Variants in SLC25A24 observed in about 807,000 individuals in gnomAD.
The protein encoded by SLC25A24 is mitochondrial adenyl nucleotide antiporter SLC25A24.
Under a neutral mutation model 60.7 loss-of-function variants are expected in SLC25A24, and 49 were observed. The ratio of observed to expected loss-of-function variants is 0.81; its 90% confidence interval spans 0.64 to 1.02. The LOEUF is 1.02. SLC25A24 is among the 50% of genes least tolerant of loss of function. The pLI is 0.00. For synonymous variants in SLC25A24, 202 were observed against 200.6 expected (o/e 1.01, Z -0.06); for missense variants, 564 against 586.3 (o/e 0.96, Z 0.39).
rs1194799919 is a variant in SLC25A24 at position 108,164,461 on chromosome 1, A to C, written c.399-3168T>G. Among the ~76,000 whole-genome samples, 3 of 151,926 alleles carry C rather than the reference A, an allele frequency of 2.0e-5. No homozygotes were observed. In the East Asian group the frequency reaches 5.8e-4, roughly 29 times the overall value. ...TTGGTAAGCTATTGATTATTGCCAC[A>C]ATTTCAGATCCTGTTATTGGTCTAT... is the stretch of plus-strand genomic sequence containing the variant. On this transcript the variant is annotated intron_variant, in intron 3 of 9. Transcript: ENST00000565488.
intron 3 of SLC25A24, among the ~76,000 whole-genome samples, chr1:108,169,816 C>T (rs1472016146): frequency 6.6e-6 from 1 of 152,138 alleles, no homozygotes. Context: ...AATTCACCTA[C>T]TTTGTCTGTT....
At chr1:108,142,415 C>T (rs1679467461) in intron 8 of SLC25A24, among the ~76,000 whole-genome samples, 1 of 152,166 alleles carries the variant, frequency 6.6e-6, no homozygotes, top group Admixed American at 6.5e-5. Context: ...GGTATATACA[C>T]ATAACGGAAT....
In SLC25A24 at chr1:108,180,616, A is replaced by ATCCCTCTCTCTCTCTC. The variant is rs532485349; in HGVS notation, c.398+1324_398+1325insGAGAGAGAGAGAGGGA. Among the ~76,000 whole-genome samples the ATCCCTCTCTCTCTCTC allele has an allele frequency of 3.0e-3, 185 of 61,796 alleles. 17 individuals carry two copies. Among genetic ancestry groups the ATCCCTCTCTCTCTCTC allele is most frequent in the African/African-American group, 0.012 (177 of 14,520 alleles). 40.5% of individuals were successfully genotyped at this position (61,796 alleles called of 152,430 possible). On this transcript the variant is annotated intron_variant, in intron 3 of 9. Transcript: ENST00000565488. ...CCTTATAATAGAAAGCAAGAGAAAG[A>ATCCCTCTCTCTCTCTC]TCTCTCTCTCTCTCTCTCTCTCTCT...
At chr1:108,158,719 AAG>A (rs1461963387) in intron 4 of SLC25A24, among the ~76,000 whole-genome samples, 1 of 138,550 alleles carries the variant, frequency 7.2e-6, no homozygotes, top group Non-Finnish European at 1.6e-5. Flanking sequence ...AAAAAAAAAA[AAG>A]GCCGGGCACA....
chr1:108,187,927 G>GATAGATAGATATATATATATAT lies in SLC25A24; in HGVS notation c.184-1974_184-1973insATATATATATATATCTATCTAT. ...TACACGAAATGGATAAGACATTATA[G>GATAGATAGATATATATATATAT]ATATATATATATATATATTCATGCA... On this transcript the variant is annotated intron_variant, in intron 1 of 9. Coordinates refer to ENST00000565488, the MANE Select transcript of SLC25A24 (RefSeq NM_013386.5). Among the ~76,000 whole-genome samples, 58 of 95,764 alleles carry GATAGATAGATATATATATATAT rather than the reference G, an allele frequency of 6.1e-4. 3 individuals carry two copies. The highest frequency in any genetic ancestry group is 4.8e-3 in the East Asian group (13 of 2,734). 62.8% of individuals were successfully genotyped at this position (95,764 alleles called of 152,430 possible). A position where few individuals can be genotyped will look rare whatever the true frequency, so the allele number is the denominator to read the frequency against.
chr1:108,152,816 C>A (rs1679791223), intron 6 of SLC25A24, among the ~76,000 whole-genome samples: 1 of 152,172 alleles, frequency 6.6e-6, no homozygotes, highest in Non-Finnish European at 1.5e-5. Context: ...CAGATAAGTA[C>A]AGAGAACGTC....
intron 1 of SLC25A24, among the ~76,000 whole-genome samples, chr1:108,188,723 C>T (rs1178074959): frequency 6.6e-6 from 1 of 152,150 alleles, no homozygotes; most frequent in Non-Finnish European, 1.5e-5. Flanking sequence ...ATCTGTCTCC[C>T]TATGCTGGCT....
At position 108,200,228 on chromosome 1, in the gene SLC25A24, G is replaced by T; in HGVS notation, c.-90C>A. On this transcript the variant is annotated 5_prime_UTR_variant, in exon 1 of 10. Coordinates refer to ENST00000565488, the MANE Select transcript of SLC25A24 (RefSeq NM_013386.5). Reference sequence around the variant, plus strand: ...CCGGGACCAGCGCGAGGCCGGGCTGGGCGGGGCGCGCGGCGCAACAGCGTT... The same window carrying T: ...CCGGGACCAGCGCGAGGCCGGGCTGTGCGGGGCGCGCGGCGCAACAGCGTT... 1 of 1,291,692 alleles carries T rather than the reference G, an allele frequency of 7.7e-7. No homozygotes were observed. Among genetic ancestry groups the T allele is most frequent in the Non-Finnish European group, 1.0e-6 (1 of 994,844 alleles). The allele number at this position is 1,291,692 out of a possible 1,614,324, so 80.0% of individuals were successfully genotyped here. A position where few individuals can be genotyped will look rare whatever the true frequency, so the allele number is the denominator to read the frequency against.
intron 3 of SLC25A24, among the ~76,000 whole-genome samples, chr1:108,174,635 T>A (rs1399868720): frequency 6.6e-6 from 1 of 151,776 alleles, no homozygotes; most frequent in African/African-American, 2.4e-5. Flanking sequence ...ACCGACAGCT[T>A]GCACCATGCA....
chr1:108,143,220 T>C (rs1176728250), intron 8 of SLC25A24, among the ~76,000 whole-genome samples: 3 of 152,320 alleles, frequency 2.0e-5, no homozygotes, highest in Admixed American at 1.3e-4. Context: ...CTCATGTTAG[T>C]CACATTAGTC....
intron 3 of SLC25A24, among the ~76,000 whole-genome samples, chr1:108,170,041 C>A (rs1421254275): frequency 6.6e-6 from 1 of 152,086 alleles, no homozygotes; most frequent in African/African-American, 2.4e-5. Flanking sequence ...CTTCCTCCTA[C>A]CTTCTTCGAG....
rs1679265865 is a variant in SLC25A24 at position 108,135,763 on chromosome 1, T to C, written c.*890A>G. 3 of 152,632 alleles carry C rather than the reference T, an allele frequency of 2.0e-5. No homozygotes were observed. The South Asian group carries it at 6.2e-4, about 32-fold the overall frequency. The allele number at this position is 152,632 out of a possible 1,614,324, so 9.5% of individuals were successfully genotyped here. On this transcript the variant is annotated 3_prime_UTR_variant, in exon 10 of 10. Coordinates refer to ENST00000565488, the MANE Select transcript of SLC25A24 (RefSeq NM_013386.5). ...ATTTGCTCATGATCAATCCACTTCA[T>C]GCAATTAAAAAAGAAATTTCAGGTT...
intron 1 of SLC25A24, among the ~76,000 whole-genome samples, chr1:108,194,842 C>T (rs1293428958): frequency 6.6e-6 from 1 of 152,160 alleles, no homozygotes; most frequent in African/African-American, 2.4e-5. Context: ...GTAGGTCTTA[C>T]CATTCCTAGT....
intron 1 of SLC25A24, among the ~76,000 whole-genome samples, chr1:108,189,900 G>A (rs1349268248): frequency 4.7e-5 from 7 of 148,902 alleles, no homozygotes; most frequent in Admixed American, 4.0e-4. Context: ...TATAGAGAGA[G>A]TATATATAGG....
intron 3 of SLC25A24, among the ~76,000 whole-genome samples, chr1:108,164,222 A>G (rs1265436483): frequency 2.6e-5 from 4 of 152,080 alleles, no homozygotes; most frequent in Admixed American, 6.5e-5. Context: ...TTTTGCATCA[A>G]TGTTCATCAA....
intron 5 of SLC25A24, 39 bp downstream of exon 5, chr1:108,157,423 T>C: frequency 3.2e-6 from 5 of 1,553,006 alleles, no homozygotes; most frequent in Non-Finnish European, 3.5e-6. Flanking sequence ...TGTTTTAGAA[T>C]ATTTAGGGCA....
At chr1:108,154,134 G>T (rs1356980614) in intron 6 of SLC25A24, among the ~76,000 whole-genome samples, 2 of 139,510 alleles carry the variant, frequency 1.4e-5, no homozygotes. Context: ...ACTGGACTTC[G>T]TAAACTTCTC....
At position 108,134,237 on chromosome 1, in the gene SLC25A24, A is replaced by G. The variant is rs1425023514; in HGVS notation, c.*2416T>C. 1.3e-5 allele frequency: 2 copies of G among 152,232 alleles called. No homozygotes were observed. Among genetic ancestry groups the G allele is most frequent in the Non-Finnish European group, 2.9e-5 (2 of 68,048 alleles). 9.4% of individuals were successfully genotyped at this position (152,232 alleles called of 1,614,324 possible). ...GGAACTGCCAGTGTCTGCTACAGCC[A>G]TCTCACCTGTCAGGTATCCAGGTAA... is the stretch of plus-strand genomic sequence containing the variant. On this transcript the variant is annotated 3_prime_UTR_variant, in exon 10 of 10. Transcript: ENST00000565488.
At position 108,182,005 on chromosome 1, in the gene SLC25A24, C is replaced by CAAT; in HGVS notation, c.331_333dup (p.Ile111dup). ...AGACCCAGTGTCTGGAGAGACTGGA[C>CAAT]AATTTCTGAAGCCTCAATTTTTCCT... On this transcript the variant is annotated inframe_insertion, in exon 3 of 10. Transcript: ENST00000565488. The CAAT allele has an allele frequency of 6.2e-7, 1 of 1,611,110 alleles. No individual in the cohort carries two copies. The highest frequency in any genetic ancestry group is 8.5e-7 in the Non-Finnish European group (1 of 1,177,884).
Sources: allele counts gnomAD v4.1 joint callset (sites outside exome capture counted in the v4.1 genomes callset), GRCh38; gene constraint gnomAD v4.1.1; transcripts MANE v1.5; gene names NCBI Gene and HGNC (gene_info 2026-07-23, HGNC 2026-07-21).